The following POLN variants were observed in gnomAD, a reference collection of about 807,000 sequenced individuals.
The protein encoded by POLN is DNA polymerase N.
POLN carries 108 observed loss-of-function variants against 113.5 expected under a neutral mutation model. The ratio of observed to expected loss-of-function variants is 0.95; its 90% CI spans 0.81 to 1.12. The LOEUF (loss-of-function observed/expected upper bound fraction) is 1.12, where lower values mean the gene tolerates loss of function less well. Ranked by LOEUF, POLN falls within the 50% of genes most tolerant of loss-of-function variation. The pLI, the probability that POLN is intolerant of heterozygous loss-of-function variation, is 0.00. For synonymous variants in POLN, 386 were observed against 391.5 expected (o/e 0.99, Z 0.17); for missense variants, 1,097 against 1,077.1 (o/e 1.02, Z -0.26).
At chr4:2,231,736 C>A in intron 2 of POLN, 1 of 441,076 alleles carries the variant, frequency 2.3e-6, no homozygotes. Context: ...TAAACACATG[C>A]TCAAGTCATA....
intron 5 of POLN, among the ~76,000 whole-genome samples, chr4:2,199,769 G>C (rs1324958053): frequency 7.4e-6 from 1 of 134,338 alleles, no homozygotes; most frequent in Non-Finnish European, 1.5e-5. Context: ...AGTAGAGACG[G>C]GGTTTCACTG....
chr4:2,159,058 G>T, intron 14 of POLN, 97 bp downstream of exon 14: 2 of 915,582 alleles, frequency 2.2e-6, no homozygotes, highest in African/African-American at 1.7e-5. Context: ...CACTGGGAGG[G>T]CTACTTCAGC....
intron 2 of POLN, chr4:2,238,713 G>T: frequency 3.1e-6 from 5 of 1,613,318 alleles, no homozygotes; most frequent in East Asian, 4.5e-5. Context: ...ATGTTACTTT[G>T]ACTAAGTTCT....
rs539844294 is a variant in POLN, at chr4:2,110,237, G to A, written c.1983-14304C>T. On this transcript the variant is annotated intron_variant, in intron 19 of 25. Coordinates refer to ENST00000511885, the MANE Select transcript of POLN (RefSeq NM_181808.4). ...CCAGAATCTCTGGGACACATTCAAA[G>A]CAGTGTGTAGAGGGAAATTTATAGC... Among the ~76,000 whole-genome samples, 62 of 152,276 alleles carry A rather than the reference G, an allele frequency of 4.1e-4. 1 individual carries two copies. Among genetic ancestry groups the A allele is most frequent in the African/African-American group, 1.4e-3 (60 of 41,558 alleles).
intron 6 of POLN, 42 bp from the exon 7 acceptor site, chr4:2,193,358 G>T: frequency 7.1e-7 from 1 of 1,413,588 alleles, no homozygotes; most frequent in Non-Finnish European, 9.8e-7. Context: ...ACATTAATTT[G>T]GGATTTTCGA....
chr4:2,217,054 G>A (rs1187697552), intron 3 of POLN, among the ~76,000 whole-genome samples: 5 of 152,162 alleles, frequency 3.3e-5, no homozygotes, highest in African/African-American at 9.7e-5. Context: ...GTTCTTGGGT[G>A]GGAAGTACTT....
intron 16 of POLN, among the ~76,000 whole-genome samples, chr4:2,138,119 G>A (rs962543281): frequency 6.6e-6 from 1 of 152,234 alleles, no homozygotes; most frequent in African/African-American, 2.4e-5. Flanking sequence ...TTATAGGCAT[G>A]AGCCACTGTG....
At chr4:2,222,313 T>C (rs1347916387) in intron 3 of POLN, among the ~76,000 whole-genome samples, 2 of 151,972 alleles carry the variant, frequency 1.3e-5, no homozygotes, top group African/African-American at 2.4e-5. Context: ...TCCCAGCACT[T>C]TGGTAGGCTC....
intron 10 of POLN, 63 bp from the exon 11 acceptor site, chr4:2,174,082 A>AAATGCTTC: frequency 1.3e-6 from 2 of 1,501,400 alleles, no homozygotes; most frequent in South Asian, 2.3e-5. Flanking sequence ...CTAAAGACTA[A>AAATGCTTC]AATGCTTCGC....
intron 25 of POLN, 142 bp from the exon 26 acceptor site, chr4:2,072,441 G>A: frequency 1.5e-6 from 1 of 683,698 alleles, no homozygotes. Flanking sequence ...ACGCACACAT[G>A]TGCATACACG....
chr4:2,114,655 T>C (rs1731274960), intron 19 of POLN, among the ~76,000 whole-genome samples: 1 of 152,242 alleles, frequency 6.6e-6, no homozygotes, highest in African/African-American at 2.4e-5. Flanking sequence ...TGTCCTCAGA[T>C]GGCTTTCAAG....
At chr4:2,240,588 C>T (rs760662072) in intron 2 of POLN, 13 of 1,612,536 alleles carry the variant, frequency 8.1e-6, no homozygotes, top group Middle Eastern at 1.6e-4. Flanking sequence ...ACATTTATTA[C>T]GTCGCTGAAT....
rs777998038 is a variant in POLN at position 2,198,662 on chromosome 4, C to T, written c.770G>A (p.Gly257Asp). ...IVVLVKRQAE[G>D]GHGCPDAPAC... ...CGGGGCATCTGGACAGCCATGGCCA[C>T]CCTCTGCTTGGCGTTTTACTAACAC... The change falls in exon 6 of 26, where the codon GGT (glycine) becomes GAT (aspartate). Residue 257 changes from glycine (G) to aspartate (D), a missense_variant. Coordinates refer to ENST00000511885, the MANE Select transcript of POLN (RefSeq NM_181808.4). The T allele has an allele frequency of 6.2e-6, 10 of 1,613,362 alleles. No individual in the cohort carries two copies. In the Admixed American group the frequency reaches 1.7e-4, roughly 27 times the overall value.
intron 17 of POLN, among the ~76,000 whole-genome samples, chr4:2,130,731 T>A (rs1043325463): frequency 6.6e-6 from 1 of 152,172 alleles, no homozygotes; most frequent in African/African-American, 2.4e-5. Context: ...ATCATCCATT[T>A]CCACTTGTAA....
intron 16 of POLN, among the ~76,000 whole-genome samples, chr4:2,146,988 G>C (rs1402176421): frequency 2.0e-5 from 3 of 152,094 alleles, no homozygotes; most frequent in Non-Finnish European, 4.4e-5. Flanking sequence ...GGAGGAGAAA[G>C]ACTCACCAAC....
chr4:2,162,135 G>A (rs1732611600), intron 13 of POLN, among the ~76,000 whole-genome samples: 1 of 152,238 alleles, frequency 6.6e-6, no homozygotes, highest in South Asian at 2.1e-4. Context: ...CACTGTGGAA[G>A]CTTTGTTCTT....
intron 5 of POLN, among the ~76,000 whole-genome samples, chr4:2,203,679 A>G (rs1292612342): frequency 1.3e-5 from 2 of 152,086 alleles, no homozygotes; most frequent in African/African-American, 2.4e-5. Flanking sequence ...AGTCTGAAAG[A>G]GCACAATCTA....
intron 7 of POLN, among the ~76,000 whole-genome samples, chr4:2,192,234 T>C (rs923844513): frequency 6.6e-6 from 1 of 152,306 alleles, no homozygotes. Context: ...ACATTTATTA[T>C]GAACATTTTC....
intron 13 of POLN, among the ~76,000 whole-genome samples, chr4:2,159,486 G>GT (rs1732523630): frequency 6.6e-6 from 1 of 152,166 alleles, no homozygotes; most frequent in African/African-American, 2.4e-5. Context: ...TCCAGGGTAG[G>GT]TAAAATAACA....
Sources: allele counts gnomAD v4.1 joint callset (sites outside exome capture counted in the v4.1 genomes callset), GRCh38; gene constraint gnomAD v4.1.1; transcripts MANE v1.5; gene names NCBI Gene and HGNC (gene_info 2026-07-23, HGNC 2026-07-21).